Variants in MINDY2 observed in about 807,000 individuals in gnomAD.
The protein encoded by MINDY2 is MINDY lysine 48 deubiquitinase 2.
A neutral mutation model predicts 68.2 loss-of-function variants in MINDY2; 52 were observed. The observed-to-expected ratio is 0.76, with a 90% CI of 0.61 to 0.96. MINDY2 has a LOEUF of 0.96. MINDY2 is among the 40% of genes least tolerant of loss of function. The probability of loss-of-function intolerance (pLI) is 0.00; values close to 1 mark genes in which losing one functional copy is unlikely to be tolerated. For synonymous variants in MINDY2, 372 were observed against 303.0 expected, an observed-to-expected ratio of 1.23 and a Z score of -2.36; for missense variants, 881 against 773.4, an observed-to-expected ratio of 1.14 and a Z score of -1.65.
intron 3 of MINDY2, among the ~76,000 whole-genome samples, chr15:58,804,748 T>C (rs1470714137): frequency 6.6e-6 from 1 of 151,554 alleles, no homozygotes; most frequent in East Asian, 1.9e-4. Context: ...CAGAGGTTGC[T>C]GTGAGCCAAA....
chr15:58,828,797 A>G (rs946749154), intron 5 of MINDY2, among the ~76,000 whole-genome samples: 2 of 151,898 alleles, frequency 1.3e-5, no homozygotes, highest in Admixed American at 1.3e-4. Flanking sequence ...TCCTGACCTC[A>G]TGATCCGCCC....
chr15:58,807,446 C>T (rs1389830292), intron 3 of MINDY2, among the ~76,000 whole-genome samples: 2 of 151,108 alleles, frequency 1.3e-5, no homozygotes, highest in Admixed American at 6.6e-5. Flanking sequence ...AGCTCCGCCT[C>T]CCGGGTTTAC....
chr15:58,844,363 C>G (rs942765122), intron 6 of MINDY2, among the ~76,000 whole-genome samples: 1 of 150,408 alleles, frequency 6.6e-6, no homozygotes, highest in Non-Finnish European at 1.5e-5. Context: ...CTGGCTAACA[C>G]GGTGAAACCC....
Position 58,787,937 on chromosome 15 carries a change from C to T in MINDY2, c.872C>T (p.Thr291Ile). 6.3e-7 allele frequency: 1 copy of T among 1,596,614 alleles called. No homozygotes were observed. Residue 291 changes from threonine (T) to isoleucine (I), a missense_variant, in exon 2 of 9, where the codon ACT becomes ATT. Thr to Ile is a moderately conservative substitution (Grantham distance 89). Transcript: ENST00000559228. ...CTTCCACCGATGATGGAAATCATAACTGCTGAGCAGCTGATGGAATATTTA... is the reference window on the plus strand; with the variant it reads ...CTTCCACCGATGATGGAAATCATAATTGCTGAGCAGCTGATGGAATATTTA... ...VKLPPMMEII[T>I]AEQLMEYLGD...
At chr15:58,803,632 A>G (rs1244799216) in intron 3 of MINDY2, among the ~76,000 whole-genome samples, 3 of 152,016 alleles carry the variant, frequency 2.0e-5, no homozygotes, top group Non-Finnish European at 4.4e-5. Flanking sequence ...GCTGTTCAAC[A>G]TGGAAAAACC....
intron 3 of MINDY2, among the ~76,000 whole-genome samples, chr15:58,809,067 C>T (rs2030033062): frequency 1.3e-5 from 2 of 152,262 alleles, no homozygotes; most frequent in South Asian, 4.2e-4. Flanking sequence ...AAAACATTAG[C>T]TGGGCATGTT....
At chr15:58,838,885 T>G (rs542534590) in intron 6 of MINDY2, among the ~76,000 whole-genome samples, 2 of 151,914 alleles carry the variant, frequency 1.3e-5, no homozygotes, top group African/African-American at 4.8e-5. Flanking sequence ...CCGGCCTAAT[T>G]TTTATTACGA....
In MINDY2 at chr15:58,821,785, T is replaced by TAA. The variant is rs1158629730; in HGVS notation, c.1193_1194dup (p.Gln399AsnfsTer14). 6.3e-7 allele frequency: 1 copy of TAA among 1,592,388 alleles called. No homozygotes were observed. The highest frequency in any genetic ancestry group is 1.2e-5 in the South Asian group (1 of 86,136). On this transcript the variant is annotated frameshift_variant, in exon 5 of 9. Coordinates refer to ENST00000559228, the MANE Select transcript of MINDY2 (RefSeq NM_001040450.3). LOFTEE classifies it high-confidence loss of function. Reference sequence around the variant, plus strand: ...AACTAGTGGAGAAGATCATCTCTTGTAAACAGTCAGACAATAGTGAGCTGG... The same window carrying TAA: ...AACTAGTGGAGAAGATCATCTCTTGTAAAAACAGTCAGACAATAGTGAGCTGG...
At position 58,772,016 on chromosome 15, in the gene MINDY2, C is replaced by T; in HGVS notation, c.621C>T (p.Gly207=). Residue 207 remains glycine, a synonymous_variant, in exon 1 of 9, where the codon GGC becomes GGT. Coordinates refer to ENST00000559228, the MANE Select transcript of MINDY2 (RefSeq NM_001040450.3). ...ACAGGGTCCCTGAGGAGGAGGAGGG[C>T]GCGGCGGTGTTGCCCGGGGCTGTTC... ...AENRVPEEEE[G]AAVLPGAVPL... 6.3e-7 allele frequency: 1 copy of T among 1,595,878 alleles called. No individual in the cohort carries two copies. Among genetic ancestry groups the T allele is most frequent in the Non-Finnish European group, 8.5e-7 (1 of 1,171,356 alleles).
In MINDY2 at chr15:58,802,429, A is replaced by G. The variant is rs74601258; in HGVS notation, c.963+52A>G. On this transcript the variant is annotated intron_variant, in intron 3 of 8. Coordinates refer to ENST00000559228, the MANE Select transcript of MINDY2 (RefSeq NM_001040450.3). ...ATAATTTTAAAGTTTAAATATATAC[A>G]TTGGTTTCTATTAGTAGCTGGCAGC... 5,335 of 1,163,868 alleles carry G rather than the reference A, an allele frequency of 4.6e-3. 251 individuals are homozygous for G. In the East Asian group the frequency reaches 0.1, roughly 23 times the overall value. The allele number at this position is 1,163,868 out of a possible 1,614,324, so 72.1% of individuals were successfully genotyped here. A position where few individuals can be genotyped will look rare whatever the true frequency, so the allele number is the denominator to read the frequency against.
rs150030755 is a variant in MINDY2, at chr15:58,825,990, A to G, written c.1225+4171A>G. On this transcript the variant is annotated intron_variant, in intron 5 of 8. Coordinates refer to ENST00000559228, the MANE Select transcript of MINDY2 (RefSeq NM_001040450.3). ...AGGATATGTATTCGTTAATTCAAATATTTATTGAGCCTTTATTATGTGCCA... is the reference window on the plus strand; with the variant it reads ...AGGATATGTATTCGTTAATTCAAATGTTTATTGAGCCTTTATTATGTGCCA... 9.6e-3 allele frequency among the ~76,000 whole-genome samples: 1,459 copies of G among 152,258 alleles called. 12 individuals carry two copies. Among genetic ancestry groups the G allele is most frequent in the South Asian group, 0.019 (94 of 4,826 alleles).
Position 58,851,803 on chromosome 15 carries a change from A to G in MINDY2, c.1575A>G (p.Glu525=), listed in dbSNP as rs1350690229. 4 of 1,598,336 alleles carry G rather than the reference A, an allele frequency of 2.5e-6. No individual in the cohort carries two copies. The highest frequency in any genetic ancestry group is 1.8e-5 in the Admixed American group (1 of 54,950). The change falls in exon 8 of 9, where the codon GAA becomes GAG. Residue 525 remains glutamate (E), a synonymous_variant. Coordinates refer to ENST00000559228, the MANE Select transcript of MINDY2 (RefSeq NM_001040450.3). ...DYLMALSLQQ[E]QQSQEINWEQ... ...TTATGGCATTATCTCTACAACAAGA[A>G]CAGCAGAGCCAAGAGATCAATTGGG...
chr15:58,800,437 T>C (rs912984931), intron 2 of MINDY2, among the ~76,000 whole-genome samples: 2 of 152,194 alleles, frequency 1.3e-5, no homozygotes, highest in African/African-American at 4.8e-5. Flanking sequence ...CAGCCAAACT[T>C]ATCAGCATAT....
At chr15:58,792,837 T>C (rs28800895) in intron 2 of MINDY2, among the ~76,000 whole-genome samples, 30,160 of 151,906 alleles carry the variant, frequency 0.2, 3,119 homozygotes, top group South Asian at 0.36. Flanking sequence ...TATGATTCCA[T>C]CTATATGAAA....
rs1388411795 is a variant in MINDY2 at position 58,821,751 on chromosome 15, G to A, written c.1157G>A (p.Ser386Asn). 2 of 1,590,964 alleles carry A rather than the reference G, an allele frequency of 1.3e-6. No individual in the cohort carries two copies. Residue 386 changes from serine to asparagine, a missense_variant, in exon 5 of 9, where the codon AGC (serine) becomes AAC (asparagine). Coordinates refer to ENST00000559228, the MANE Select transcript of MINDY2 (RefSeq NM_001040450.3). ...DDIVKAVGNCSYNQLVEKIIS... is the reference protein window; with the variant it reads ...DDIVKAVGNCNYNQLVEKIIS... Reference sequence around the variant, plus strand: ...ATTGTAAAAGCTGTTGGTAACTGCAGCTACAACCAACTAGTGGAGAAGATC... The same window carrying A: ...ATTGTAAAAGCTGTTGGTAACTGCAACTACAACCAACTAGTGGAGAAGATC...
At chr15:58,850,056 C>T (rs555624242) in intron 7 of MINDY2, among the ~76,000 whole-genome samples, 4 of 152,226 alleles carry the variant, frequency 2.6e-5, no homozygotes, top group African/African-American at 9.6e-5. Flanking sequence ...AACCATTTAC[C>T]CATCCTCTGT....
At chr15:58,798,219 C>T (rs1902407593) in intron 2 of MINDY2, among the ~76,000 whole-genome samples, 1 of 152,018 alleles carries the variant, frequency 6.6e-6, no homozygotes, top group Admixed American at 6.6e-5. Context: ...AAAGCTCAAG[C>T]AATTCTCCTG....
In MINDY2 at chr15:58,854,863, T is replaced by G; in HGVS notation, c.*253T>G. 3.8e-6 allele frequency: 1 copy of G among 265,044 alleles called. No homozygotes were observed. 16.4% of individuals were successfully genotyped at this position (265,044 alleles called of 1,614,324 possible). A position where few individuals can be genotyped will look rare whatever the true frequency, so the allele number is the denominator to read the frequency against. ...ACATTCATGAAAAATACTGCACTTG[T>G]AGCCAGATTAGCAAATCACAGCAAA... On this transcript the variant is annotated 3_prime_UTR_variant, in exon 9 of 9. Transcript: ENST00000559228.
At chr15:58,837,539 CA>C (rs59471550) in intron 6 of MINDY2, among the ~76,000 whole-genome samples, 461 of 121,518 alleles carry the variant, frequency 3.8e-3, no homozygotes, top group Middle Eastern at 8.7e-3. Context: ...ATGATGGCAC[CA>C]AAAAAAAAAA....
Sources: allele counts gnomAD v4.1 joint callset (sites outside exome capture counted in the v4.1 genomes callset), GRCh38; gene constraint gnomAD v4.1.1; transcripts MANE v1.5; gene names NCBI Gene and HGNC (gene_info 2026-07-23, HGNC 2026-07-21).